SEC63: variants seen among roughly 807,000 people sequenced by gnomAD.
The protein encoded by SEC63 is translocation protein SEC63 homolog.
SEC63 carries 56 observed loss-of-function variants against 116.2 expected under a neutral mutation model. The ratio of observed to expected loss-of-function variants is 0.48; its 90% confidence interval spans 0.39 to 0.60. SEC63 has a LOEUF of 0.60. Ranked by LOEUF, SEC63 falls within the 20% of genes least tolerant of loss-of-function variation. The pLI is 0.00. For missense variants in SEC63, 668 were observed against 900.0 expected (o/e 0.74, Z 3.30); for synonymous variants, 273 against 294.6 (o/e 0.93, Z 0.75).
chr6:107,944,578 T>C (rs1353720719), intron 1 of SEC63, among the ~76,000 whole-genome samples: 2 of 152,036 alleles, frequency 1.3e-5, no homozygotes, highest in African/African-American at 4.8e-5. Context: ...ATGCCTGTAA[T>C]CCCAAGTACT....
intron 19 of SEC63, among the ~76,000 whole-genome samples, chr6:107,875,100 C>G (rs648567): frequency 0.87 from 132,381 of 152,044 alleles, 57,813 homozygotes; most frequent in Middle Eastern, 0.92. Flanking sequence ...CTGGGCTCAA[C>G]TGATCTGCCC....
At chr6:107,947,118 G>A (rs1396526427) in intron 1 of SEC63, among the ~76,000 whole-genome samples, 1 of 152,096 alleles carries the variant, frequency 6.6e-6, no homozygotes, top group Non-Finnish European at 1.5e-5. Flanking sequence ...TTGGTGACCT[G>A]GTGAAACCCT....
chr6:107,880,901 C>T, intron 18 of SEC63: 3 of 435,020 alleles, frequency 6.9e-6, no homozygotes, highest in Non-Finnish European at 1.3e-5. Context: ...GTAATCAGGG[C>T]ACAGAAAAGA....
intron 16 of SEC63, among the ~76,000 whole-genome samples, chr6:107,886,502 A>T (rs950301676): frequency 6.6e-6 from 1 of 152,158 alleles, no homozygotes; most frequent in African/African-American, 2.4e-5. Context: ...ATTTCTCCAC[A>T]TCCTCTCCAC....
At chr6:107,925,441 ATAAT>A (rs781693942) in intron 2 of SEC63, among the ~76,000 whole-genome samples, 1 of 152,238 alleles carries the variant, frequency 6.6e-6, no homozygotes, top group East Asian at 1.9e-4. Context: ...TTACAAAGAA[ATAAT>A]TAAATAAACC....
rs1009846841 is a variant in SEC63 at position 107,876,112 on chromosome 6, A to G, written c.2034+452T>C. On this transcript the variant is annotated intron_variant, in intron 19 of 20. Transcript: ENST00000369002. ...ACAAAAATGCAGTTCCCAAGGGTAA[A>G]TATGTTCATCACAATGCTGCTTTAC... Among the ~76,000 whole-genome samples, 3 of 152,210 alleles carry G rather than the reference A, an allele frequency of 2.0e-5. No individual in the cohort carries two copies. In the South Asian group the frequency reaches 6.2e-4, roughly 32 times the overall value.
At chr6:107,879,421 G>C (rs1786358262) in intron 18 of SEC63, among the ~76,000 whole-genome samples, 1 of 152,220 alleles carries the variant, frequency 6.6e-6, no homozygotes, top group African/African-American at 2.4e-5. Flanking sequence ...CCGCCTCCTG[G>C]GTTCAAGCAA....
chr6:107,928,936 C>T, intron 2 of SEC63, among the ~76,000 whole-genome samples: 1 of 152,220 alleles, frequency 6.6e-6, no homozygotes, highest in Non-Finnish European at 1.5e-5. Flanking sequence ...CATTCTTAGC[C>T]TTTGTTTCCT....
rs142156422 is a variant in SEC63, at chr6:107,884,839, T to C, written c.1675-1693A>G. Among the ~76,000 whole-genome samples the C allele has an allele frequency of 2.7e-4, 41 of 152,084 alleles. No individual in the cohort carries two copies. The East Asian group carries it at 4.8e-3, about 18-fold the overall frequency. On this transcript the variant is annotated intron_variant, in intron 16 of 20. Transcript: ENST00000369002. ...ATAAATATAAAAAGGAATACTAAGC[T>C]ATGACCAAATGATATTTGTTCCAGG...
intron 16 of SEC63, among the ~76,000 whole-genome samples, chr6:107,892,907 C>T (rs1173437000): frequency 1.3e-5 from 2 of 152,144 alleles, no homozygotes; most frequent in African/African-American, 4.8e-5. Flanking sequence ...GGAAAACAGG[C>T]TCTTTTAACG....
At chr6:107,873,068 TA>T (rs529565927) in intron 19 of SEC63, among the ~76,000 whole-genome samples, 156 bp from the exon 20 acceptor site, 1 of 151,736 alleles carries the variant, frequency 6.6e-6, no homozygotes, top group African/African-American at 2.4e-5. Flanking sequence ...TAAACAATAA[TA>T]AAAAAAAGCG....
Position 107,868,955 on chromosome 6 carries a change from A to C in SEC63, c.*2749T>G, listed in dbSNP as rs1391051310. 1 of 152,202 alleles carries C rather than the reference A, an allele frequency of 6.6e-6. No homozygotes were observed. Among genetic ancestry groups the C allele is most frequent in the African/African-American group, 2.4e-5 (1 of 41,440 alleles). 9.4% of individuals were successfully genotyped at this position (152,202 alleles called of 1,614,324 possible). On this transcript the variant is annotated 3_prime_UTR_variant, in exon 21 of 21. Transcript: ENST00000369002. ...GGTTTGGATTGGCTGAAGCAAACTGAACAAAACTTGTGGTCAAAAATAACA... is the reference window on the plus strand; with the variant it reads ...GGTTTGGATTGGCTGAAGCAAACTGCACAAAACTTGTGGTCAAAAATAACA...
In SEC63 at chr6:107,896,419, T is replaced by C. The variant is rs146001334; in HGVS notation, c.1440+1230A>G. Among the ~76,000 whole-genome samples the C allele has an allele frequency of 5.4e-3, 816 of 151,906 alleles. 10 individuals carry two copies. Among genetic ancestry groups the C allele is most frequent in the African/African-American group, 0.013 (537 of 41,418 alleles). On this transcript the variant is annotated intron_variant, in intron 14 of 20. Transcript: ENST00000369002. ...AGGCAGAGGTTGCAGTGAGCCAAGATTGCACCACTGCATTCCAGCCTGGGT... is the reference window on the plus strand; with the variant it reads ...AGGCAGAGGTTGCAGTGAGCCAAGACTGCACCACTGCATTCCAGCCTGGGT...
intron 1 of SEC63, among the ~76,000 whole-genome samples, chr6:107,948,345 T>G (rs1267775212): frequency 1.3e-5 from 2 of 152,178 alleles, no homozygotes; most frequent in African/African-American, 2.4e-5. Context: ...CTGTATGACT[T>G]TAGGAAAGTT....
intron 1 of SEC63, among the ~76,000 whole-genome samples, chr6:107,937,122 C>CTTT (rs1583771020): frequency 2.5e-5 from 1 of 40,422 alleles, no homozygotes; most frequent in East Asian, 4.7e-4. Flanking sequence ...ATATGTACCA[C>CTTT]ATTTTTTTTT....
chr6:107,942,638 C>T (rs1403541295), intron 1 of SEC63, among the ~76,000 whole-genome samples: 7 of 152,142 alleles, frequency 4.6e-5, no homozygotes, highest in Non-Finnish European at 5.9e-5. Flanking sequence ...CTGTCCCCAC[C>T]CCCTGTGCAG....
intron 4 of SEC63, among the ~76,000 whole-genome samples, chr6:107,915,008 C>G (rs1008101485): frequency 6.6e-6 from 1 of 152,118 alleles, no homozygotes; most frequent in African/African-American, 2.4e-5. Context: ...AACATTCAAT[C>G]TAATAAAATA....
chr6:107,952,603 C>T (rs1770603702), intron 1 of SEC63, among the ~76,000 whole-genome samples: 1 of 151,384 alleles, frequency 6.6e-6, no homozygotes, highest in Admixed American at 6.6e-5. Flanking sequence ...ACTAAAAATA[C>T]AAAAATTAGC....
chr6:107,902,144 TAGATTCTGA>T (rs1787019207), intron 12 of SEC63, among the ~76,000 whole-genome samples: 1 of 152,146 alleles, frequency 6.6e-6, no homozygotes, highest in South Asian at 2.1e-4. Flanking sequence ...TCTCTGCTTT[TAGATTCTGA>T]AGTTTTTAAT....
Sources: allele counts gnomAD v4.1 joint callset (sites outside exome capture counted in the v4.1 genomes callset), GRCh38; gene constraint gnomAD v4.1.1; transcripts MANE v1.5; gene names NCBI Gene and HGNC (gene_info 2026-07-23, HGNC 2026-07-21).